The following GALNT17 variants were observed in gnomAD, a reference collection of about 807,000 sequenced individuals.
GALNT17 encodes the protein UDP-GalNAc:polypeptide N-acetylgalactosaminyltransferase-like 3.
GALNT17 carries 29 observed loss-of-function variants against 63.7 expected under a neutral mutation model. The ratio of observed to expected loss-of-function variants is 0.46; its 90% CI spans 0.34 to 0.62. The LOEUF is 0.62. GALNT17 is among the 20% of genes least tolerant of loss of function. GALNT17 has a pLI of 0.01. For synonymous variants in GALNT17, 305 were observed against 318.3 expected (o/e 0.96, Z 0.45); for missense variants, 603 against 799.6 (o/e 0.75, Z 2.97).
intron 5 of GALNT17, among the ~76,000 whole-genome samples, chr7:71,540,699 C>T (rs556829495): frequency 5.9e-5 from 9 of 152,058 alleles, no homozygotes; most frequent in Non-Finnish European, 1.2e-4. Flanking sequence ...GGGCCACCTC[C>T]CTAGGAGTAG....
chr7:71,302,901 G>A lies in GALNT17; in HGVS notation c.239-32649G>A, dbSNP rs901405281. 2.6e-4 allele frequency among the ~76,000 whole-genome samples: 40 copies of A among 152,150 alleles called. 1 individual carries two copies. Among genetic ancestry groups the A allele is most frequent in the Non-Finnish European group, 4.4e-4 (30 of 67,994 alleles). On this transcript the variant is annotated intron_variant, in intron 1 of 10. Transcript: ENST00000333538. ...TTTTGAGACAGAGTCTCGTTCTGTC[G>A]CCCAGGCTGGAGTGGTGTGTTGGCT...
intron 3 of GALNT17, among the ~76,000 whole-genome samples, chr7:71,398,475 G>A (rs2116378327): frequency 6.6e-6 from 1 of 151,992 alleles, no homozygotes. Flanking sequence ...TTTATTGGAA[G>A]CAATATGTTT....
chr7:71,421,135 C>A (rs766894940), intron 5 of GALNT17, 30 bp downstream of exon 5: 1 of 1,611,688 alleles, frequency 6.2e-7, no homozygotes, highest in East Asian at 2.2e-5. Context: ...TGGCGGCCAA[C>A]GAGCCCCCAA....
chr7:71,402,550 C>T (rs962061387), intron 3 of GALNT17, among the ~76,000 whole-genome samples: 1 of 152,174 alleles, frequency 6.6e-6, no homozygotes, highest in Non-Finnish European at 1.5e-5. Context: ...AATTGCCTAT[C>T]TCCCATCACC....
At chr7:71,163,895 A>T (rs1360573857) in intron 1 of GALNT17, among the ~76,000 whole-genome samples, 3 of 152,222 alleles carry the variant, frequency 2.0e-5, no homozygotes, top group Non-Finnish European at 4.4e-5. Context: ...ATCTTTGCTC[A>T]TAGTATCCAT....
chr7:71,575,588 C>T (rs1789524184), intron 6 of GALNT17, among the ~76,000 whole-genome samples: 1 of 152,026 alleles, frequency 6.6e-6, no homozygotes, highest in African/African-American at 2.4e-5. Context: ...CAGGGTTTCA[C>T]CGTGTTAGCC....
intron 1 of GALNT17, among the ~76,000 whole-genome samples, chr7:71,196,363 C>T (rs1298211958): frequency 6.6e-6 from 1 of 152,132 alleles, no homozygotes; most frequent in East Asian, 1.9e-4. Flanking sequence ...TGGTCTTGAA[C>T]TCCTGACCTC....
chr7:71,348,256 G>T (rs1391912735), intron 2 of GALNT17, among the ~76,000 whole-genome samples: 1 of 133,960 alleles, frequency 7.5e-6, no homozygotes, highest in African/African-American at 3.1e-5. Context: ...GTGAGACTCT[G>T]TCTCAAAAAA....
intron 5 of GALNT17, among the ~76,000 whole-genome samples, chr7:71,441,105 C>T (rs1787059013): frequency 1.3e-5 from 2 of 151,934 alleles, no homozygotes; most frequent in Non-Finnish European, 1.5e-5. Context: ...TCACTGCAAC[C>T]TCCGCCTCCT....
At chr7:71,187,997 T>C (rs1788884762) in intron 1 of GALNT17, among the ~76,000 whole-genome samples, 1 of 152,204 alleles carries the variant, frequency 6.6e-6, no homozygotes, top group African/African-American at 2.4e-5. Flanking sequence ...ATTCCTGAGT[T>C]ACTTCACTTA....
chr7:71,180,314 C>T (rs944181380), intron 1 of GALNT17, among the ~76,000 whole-genome samples: 5 of 151,912 alleles, frequency 3.3e-5, no homozygotes, highest in African/African-American at 7.3e-5. Flanking sequence ...TTAGTAGAGA[C>T]GGGGTTTCAC....
intron 1 of GALNT17, among the ~76,000 whole-genome samples, chr7:71,161,686 C>T (rs961105481): frequency 6.6e-6 from 1 of 151,962 alleles, no homozygotes; most frequent in Non-Finnish European, 1.5e-5. Flanking sequence ...TTTTTTTATA[C>T]TTGGGAATTG....
chr7:71,263,848 C>T (rs373714870), intron 1 of GALNT17, among the ~76,000 whole-genome samples: 9 of 151,716 alleles, frequency 5.9e-5, no homozygotes, highest in Admixed American at 1.3e-4. Flanking sequence ...GGCGTGAACC[C>T]GGGAGGCGGA....
chr7:71,378,004 A>G (rs1313030726), intron 2 of GALNT17, among the ~76,000 whole-genome samples: 1 of 152,202 alleles, frequency 6.6e-6, no homozygotes, highest in Non-Finnish European at 1.5e-5. Flanking sequence ...GACTCATACA[A>G]TATCTTGCAT....
At chr7:71,281,073 G>C (rs1309486709) in intron 1 of GALNT17, among the ~76,000 whole-genome samples, 2 of 152,318 alleles carry the variant, frequency 1.3e-5, no homozygotes, top group African/African-American at 4.8e-5. Flanking sequence ...AGGAACCATG[G>C]GACCAGCTAT....
chr7:71,657,742 C>A (rs56071528), intron 6 of GALNT17, among the ~76,000 whole-genome samples: 12,842 of 152,244 alleles, frequency 0.084, 677 homozygotes, highest in Middle Eastern at 0.15. Flanking sequence ...CATCTCAATC[C>A]CATGGGGGGC....
intron 5 of GALNT17, among the ~76,000 whole-genome samples, chr7:71,460,203 A>G (rs1322361026): frequency 6.6e-6 from 1 of 152,176 alleles, no homozygotes; most frequent in Non-Finnish European, 1.5e-5. Flanking sequence ...TACAGAGTTC[A>G]ACTCTGTTCA....
intron 1 of GALNT17, among the ~76,000 whole-genome samples, chr7:71,146,896 G>A (rs1454513568): frequency 6.6e-6 from 1 of 152,140 alleles, no homozygotes; most frequent in Non-Finnish European, 1.5e-5. Context: ...CAGTTAATGG[G>A]GAACAGGGTT....
intron 2 of GALNT17, among the ~76,000 whole-genome samples, chr7:71,346,299 A>G (rs966806216): frequency 3.3e-5 from 5 of 152,170 alleles, no homozygotes; most frequent in Non-Finnish European, 2.9e-5. Flanking sequence ...ACAGACTCAC[A>G]TGGACACAGA....
Sources: allele counts gnomAD v4.1 joint callset (sites outside exome capture counted in the v4.1 genomes callset), GRCh38; gene constraint gnomAD v4.1.1; transcripts MANE v1.5; gene names NCBI Gene and HGNC (gene_info 2026-07-23, HGNC 2026-07-21).